The following GABRA5 variants were observed in gnomAD, a reference collection of about 807,000 sequenced individuals.
GABRA5 encodes gamma-aminobutyric acid type A receptor subunit alpha5, also known as gamma-aminobutyric acid receptor subunit alpha-5.
In GABRA5, 18 loss-of-function variants were observed where a neutral mutation model predicts 47.3. The ratio of observed to expected loss-of-function variants is 0.38; its 90% CI spans 0.26 to 0.56. The LOEUF (loss-of-function observed/expected upper bound fraction) is 0.56, where lower values mean the gene tolerates loss of function less well. Ranked by LOEUF, GABRA5 falls within the 20% of genes least tolerant of loss-of-function variation. GABRA5 has a pLI of 0.71. For missense variants in GABRA5, 365 were observed against 599.3 expected (o/e 0.61, Z 4.08); for synonymous variants, 237 against 229.3 (o/e 1.03, Z -0.30).
rs80106218 is a variant in GABRA5 at position 26,874,104 on chromosome 15, G to A, written c.86+4770G>A. Among the ~76,000 whole-genome samples the A allele has an allele frequency of 9.1e-3, 1,381 of 152,302 alleles. 8 individuals are homozygous for A. Among genetic ancestry groups the A allele is most frequent in the Non-Finnish European group, 0.014 (932 of 68,024 alleles). ...TCACCGACTCCCTTCAAGGGGAGAAGGAGCATGTGGGCTTTCGGGTTTTTA... is the reference window on the plus strand; with the variant it reads ...TCACCGACTCCCTTCAAGGGGAGAAAGAGCATGTGGGCTTTCGGGTTTTTA... On this transcript the variant is annotated intron_variant, in intron 3 of 10. Transcript: ENST00000335625.
At chr15:26,913,102 TG>T (rs1366518768) in intron 6 of GABRA5, among the ~76,000 whole-genome samples, 2 of 128,014 alleles carry the variant, frequency 1.6e-5, no homozygotes, top group African/African-American at 5.6e-5. Context: ...GAGAATTGCT[TG>T]AACCCGGGAG....
intron 7 of GABRA5, among the ~76,000 whole-genome samples, chr15:26,924,158 C>CTTTTTTTTTTTTTTTTTTTTTCTTTTT (rs536989357): frequency 8.1e-6 from 1 of 123,788 alleles, no homozygotes. Context: ...TAATACAAGG[C>CTTTTTTTTTTTTTTTTTTTTTCTTTTT]TTTTTTTTTT....
At position 26,948,265 on chromosome 15, in the gene GABRA5, T is replaced by C. The variant is rs1894564341; in HGVS notation, c.*32T>C. 2 of 1,595,838 alleles carry C rather than the reference T, an allele frequency of 1.3e-6. No homozygotes were observed. The highest frequency in any genetic ancestry group is 2.7e-5 in the African/African-American group (2 of 74,316). On this transcript the variant is annotated 3_prime_UTR_variant, in exon 11 of 11. Transcript: ENST00000335625. ...ACACTCCCAAACTCCAAGACAGCCA[T>C]ACTTCCAGCGAAATGGTACCAAGGA...
At chr15:26,946,487 C>T (rs2140605419) in intron 10 of GABRA5, among the ~76,000 whole-genome samples, 1 of 151,590 alleles carries the variant, frequency 6.6e-6, no homozygotes, top group South Asian at 2.1e-4. Context: ...AATGCATTTC[C>T]CACTCCATAT....
intron 3 of GABRA5, among the ~76,000 whole-genome samples, chr15:26,878,940 GGA>G (rs1892660746): frequency 6.6e-6 from 1 of 152,152 alleles, no homozygotes; most frequent in African/African-American, 2.4e-5. Flanking sequence ...CTCCGCTTCT[GGA>G]GAGAGCCACG....
Position 26,948,202 on chromosome 15 carries a change from C to T in GABRA5, c.1358C>T (p.Pro453Leu), listed in dbSNP as rs548864677. 1.9e-5 allele frequency: 31 copies of T among 1,612,786 alleles called. No homozygotes were observed. Among genetic ancestry groups the T allele is most frequent in the Non-Finnish European group, 2.6e-5 (31 of 1,179,704 alleles). ...VYWATYLNRE[P>L]VIKGAASPK ...TGGGCAACGTATTTGAATAGGGAGC[C>T]GGTGATAAAAGGAGCCGCCTCTCCA... Residue 453 changes from proline (P) to leucine (L), a missense_variant, in exon 11 of 11, where the codon CCG becomes CTG. Coordinates refer to ENST00000335625, the MANE Select transcript of GABRA5 (RefSeq NM_000810.4).
At chr15:26,929,552 G>A (rs1405840962) in intron 7 of GABRA5, among the ~76,000 whole-genome samples, 4 of 152,222 alleles carry the variant, frequency 2.6e-5, no homozygotes, top group Non-Finnish European at 5.9e-5. Context: ...GTGCCCCACA[G>A]CTCTCTGGGA....
intron 3 of GABRA5, among the ~76,000 whole-genome samples, chr15:26,878,935 C>T (rs1397360581): frequency 1.3e-5 from 2 of 152,188 alleles, no homozygotes; most frequent in African/African-American, 4.8e-5. Flanking sequence ...TTTATCTCCG[C>T]TTCTGGAGAG....
chr15:26,880,670 TTG>T lies in GABRA5; in HGVS notation c.87-175_87-174del, dbSNP rs548578401. 2.8e-3 allele frequency: 1,501 copies of T among 533,634 alleles called. 23 individuals are homozygous for T. Among genetic ancestry groups the T allele is most frequent in the African/African-American group, 0.027 (1,381 of 51,918 alleles). 33.1% of individuals were successfully genotyped at this position (533,634 alleles called of 1,614,324 possible). ...GCCCCAAGCAGAGTATCCTTGGATGTTGGAGAACTGAGGTGTATCAAGGCCAA... is the reference window on the plus strand; with the variant it reads ...GCCCCAAGCAGAGTATCCTTGGATGTGAGAACTGAGGTGTATCAAGGCCAA... On this transcript the variant is annotated intron_variant, in intron 3 of 10. Transcript: ENST00000335625.
intron 9 of GABRA5, among the ~76,000 whole-genome samples, chr15:26,942,820 G>T (rs565040599): frequency 6.6e-4 from 100 of 152,240 alleles, no homozygotes; most frequent in Middle Eastern, 3.4e-3. Flanking sequence ...GCGCAGGCTG[G>T]GATTAAAATC....
chr15:26,886,123 G>A (rs886460416), intron 6 of GABRA5, among the ~76,000 whole-genome samples: 1 of 152,058 alleles, frequency 6.6e-6, no homozygotes, highest in Non-Finnish European at 1.5e-5. Flanking sequence ...GGGTTCGAGC[G>A]ATTCTCTTGC....
Position 26,888,894 on chromosome 15 carries a change from G to T in GABRA5, c.497+5337G>T, listed in dbSNP as rs73363998. 2.8e-3 allele frequency among the ~76,000 whole-genome samples: 431 copies of T among 152,312 alleles called. 1 individual carries two copies. Among genetic ancestry groups the T allele is most frequent in the African/African-American group, 9.9e-3 (413 of 41,570 alleles). ...GTAGGCTCTTGTGTGACTGCAACAG[G>T]CAAGGAGGGAGTCCCTAGAAGGCTG... On this transcript the variant is annotated intron_variant, in intron 6 of 10. Transcript: ENST00000335625.
intron 3 of GABRA5, among the ~76,000 whole-genome samples, chr15:26,879,597 A>G (rs1383555754): frequency 6.6e-6 from 1 of 152,154 alleles, no homozygotes; most frequent in Non-Finnish European, 1.5e-5. Context: ...TTTATTCTTT[A>G]TTCTCTCATT....
At chr15:26,914,708 A>T in intron 6 of GABRA5, 95 bp from the exon 7 acceptor site, 1 of 895,338 alleles carries the variant, frequency 1.1e-6, no homozygotes, top group Non-Finnish European at 1.8e-6. Context: ...TTAATTTTTA[A>T]AAGTACTTAA....
intron 6 of GABRA5, among the ~76,000 whole-genome samples, chr15:26,893,994 G>A (rs1396660696): frequency 6.6e-6 from 1 of 152,062 alleles, no homozygotes; most frequent in Non-Finnish European, 1.5e-5. Context: ...TGTTTCCTTT[G>A]GGCCTCCAGG....
At chr15:26,945,015 A>G (rs1672371529) in intron 10 of GABRA5, among the ~76,000 whole-genome samples, 5 of 152,202 alleles carry the variant, frequency 3.3e-5, no homozygotes, top group Admixed American at 1.3e-4. Context: ...TCTAATCACC[A>G]TAGATCTGAA....
chr15:26,870,484 C>T (rs1462499216), intron 3 of GABRA5, among the ~76,000 whole-genome samples: 1 of 152,196 alleles, frequency 6.6e-6, no homozygotes, highest in East Asian at 1.9e-4. Context: ...GCCTGTCCCT[C>T]ACCAACAGAA....
At chr15:26,903,911 G>T (rs1039147435) in intron 6 of GABRA5, among the ~76,000 whole-genome samples, 1 of 151,846 alleles carries the variant, frequency 6.6e-6, no homozygotes, top group Non-Finnish European at 1.5e-5. Flanking sequence ...TCATTCTATA[G>T]GTTGTCTGCC....
intron 3 of GABRA5, among the ~76,000 whole-genome samples, chr15:26,875,940 TGA>T (rs1246327576): frequency 6.6e-6 from 1 of 151,610 alleles, no homozygotes; most frequent in Non-Finnish European, 1.5e-5. Context: ...TGGAGTGAGG[TGA>T]GAGGGGGTTA....
Sources: allele counts gnomAD v4.1 joint callset (sites outside exome capture counted in the v4.1 genomes callset), GRCh38; gene constraint gnomAD v4.1.1; transcripts MANE v1.5; gene names NCBI Gene and HGNC (gene_info 2026-07-23, HGNC 2026-07-21).